The following SSTR2 variants were observed in gnomAD, a reference collection of about 807,000 sequenced individuals.
The protein encoded by SSTR2 is somatostatin receptor type 2.
In SSTR2, 10 loss-of-function variants were observed where a neutral mutation model predicts 21.4. The observed-to-expected ratio is 0.47, with a 90% confidence interval of 0.29 to 0.79. The LOEUF (loss-of-function observed/expected upper bound fraction) is 0.79. SSTR2 is among the 30% of genes least tolerant of loss of function. The probability of loss-of-function intolerance (pLI) is 0.10; values close to 1 mark genes in which losing one functional copy is unlikely to be tolerated. For synonymous variants in SSTR2, 177 were observed against 181.3 expected, an observed-to-expected ratio of 0.98 and a Z score of 0.19; for missense variants, 364 against 468.8, an observed-to-expected ratio of 0.78 and a Z score of 2.06.
In SSTR2 at chr17:73,171,330, G is replaced by C. The variant is rs1250451882; in HGVS notation, c.*901G>C. Reference sequence around the variant, plus strand: ...ACAAAGCCAACTTTGTTATAAGATTGCATTTTTTTCTTTTCAAATTGCTTT... The same window carrying C: ...ACAAAGCCAACTTTGTTATAAGATTCCATTTTTTTCTTTTCAAATTGCTTT... On this transcript the variant is annotated 3_prime_UTR_variant, in exon 2 of 2. Transcript: ENST00000357585. The C allele has an allele frequency of 1.2e-5, 2 of 166,292 alleles. No individual in the cohort carries two copies. The highest frequency in any genetic ancestry group is 2.9e-5 in the Non-Finnish European group (2 of 68,122). The allele number at this position is 166,292 out of a possible 1,614,324, so 10.3% of individuals were successfully genotyped here.
At position 73,169,106 on chromosome 17, in the gene SSTR2, G is replaced by A; in HGVS notation, c.-92-122G>A. 2 of 592,472 alleles carry A rather than the reference G, an allele frequency of 3.4e-6. No homozygotes were observed. The highest frequency in any genetic ancestry group is 5.9e-6 in the Non-Finnish European group (2 of 339,138). The allele number at this position is 592,472 out of a possible 1,614,324, so 36.7% of individuals were successfully genotyped here. ...GAACTCTAGAGCTTAATGTTGATGT[G>A]GAAAGATAATACATTTTTCAATTTA... On this transcript the variant is annotated intron_variant, in intron 1 of 1. Coordinates refer to ENST00000357585, the MANE Select transcript of SSTR2 (RefSeq NM_001050.3). This position sits in a 1 kb window ranked among gnomAD's most constrained non-coding sequence, Gnocchi z 5.2.
In SSTR2 at chr17:73,169,288, G is replaced by A; in HGVS notation, c.-32G>A. 2.5e-6 allele frequency: 4 copies of A among 1,594,774 alleles called. No individual in the cohort carries two copies. Among genetic ancestry groups the A allele is most frequent in the Non-Finnish European group, 3.4e-6 (4 of 1,169,948 alleles). ...AAGGTGAGAATAAGATCTCTGGGCT[G>A]GCTGGAACTAGCCTAAGACTGAAAA... is the stretch of plus-strand genomic sequence containing the variant. On this transcript the variant is annotated 5_prime_UTR_variant, in exon 2 of 2. Transcript: ENST00000357585. This position sits in a 1 kb window ranked among gnomAD's most constrained non-coding sequence, Gnocchi z 5.2.
chr17:73,169,864 G>T lies in SSTR2; in HGVS notation c.545G>T (p.Gly182Val). 1 of 1,613,094 alleles carries T rather than the reference G, an allele frequency of 6.2e-7. No homozygotes were observed. Among genetic ancestry groups the T allele is most frequent in the Non-Finnish European group, 8.5e-7 (1 of 1,179,176 alleles). Reference sequence around the variant, plus strand: ...ATCTTGCCCATCATGATATATGCTGGGCTCCGGAGCAACCAGTGGGGGAGA... The same window carrying T: ...ATCTTGCCCATCATGATATATGCTGTGCTCCGGAGCAACCAGTGGGGGAGA... ...LVILPIMIYA[G>V]LRSNQWGRSS... Residue 182 changes from glycine (G) to valine (V), a missense_variant, in exon 2 of 2, where the codon GGG becomes GTG. Physicochemically the swap from Gly to Val is moderately radical, Grantham distance 109. Around this residue, in one of 4 missense-constraint regions of SSTR2, gnomAD observed 193 missense variants for 273.1 expected, o/e 0.71. Transcript: ENST00000357585. This position sits in a 1 kb window ranked among gnomAD's most constrained non-coding sequence, Gnocchi z 5.2.
At position 73,170,314 on chromosome 17, in the gene SSTR2, T is replaced by G; in HGVS notation, c.995T>G (p.Val332Gly). 3 of 1,613,938 alleles carry G rather than the reference T, an allele frequency of 1.9e-6. No individual in the cohort carries two copies. The highest frequency in any genetic ancestry group is 1.7e-6 in the Non-Finnish European group (2 of 1,180,008). ...SFQNVLCLVK[V>G]SGTDDGERSD... ...CAGAATGTCCTCTGCTTGGTCAAGGTGAGCGGCACAGATGATGGGGAGCGG... is the reference window on the plus strand; with the variant it reads ...CAGAATGTCCTCTGCTTGGTCAAGGGGAGCGGCACAGATGATGGGGAGCGG... Residue 332 changes from valine to glycine, a missense_variant, in exon 2 of 2, where the codon GTG (valine) becomes GGG (glycine). Around this residue, in one of 4 missense-constraint regions of SSTR2, gnomAD observed 71 missense variants for 53.8 expected, o/e 1.32. Transcript: ENST00000357585.
Position 73,170,351 on chromosome 17 carries a change from G to A in SSTR2, c.1032G>A (p.Lys344=). 6.2e-7 allele frequency: 1 copy of A among 1,614,002 alleles called. No individual in the cohort carries two copies. Among genetic ancestry groups the A allele is most frequent in the Non-Finnish European group, 8.5e-7 (1 of 1,180,014 alleles). ...GTDDGERSDS[K]QDKSRLNETT... is the part of the protein sequence containing the mutation. Reference sequence around the variant, plus strand: ...ATGATGGGGAGCGGAGTGACAGTAAGCAGGACAAATCCCGGCTGAATGAGA... The same window carrying A: ...ATGATGGGGAGCGGAGTGACAGTAAACAGGACAAATCCCGGCTGAATGAGA... The change falls in exon 2 of 2, where the codon AAG becomes AAA. Residue 344 remains lysine, a synonymous_variant. Coordinates refer to ENST00000357585, the MANE Select transcript of SSTR2 (RefSeq NM_001050.3).
Position 73,169,373 on chromosome 17 carries a change from A to C in SSTR2, c.54A>C (p.Pro18=). ...LNGSHTWLSI[P]FDLNGSVVST... The stretch of plus-strand genomic sequence containing the variant: ...GAAGCCACACATGGCTATCCATTCC[A>C]TTTGACCTCAATGGCTCTGTGGTGT... Residue 18 remains proline, a synonymous_variant, in exon 2 of 2, where the codon CCA becomes CCC. Transcript: ENST00000357585. The surrounding 1 kb of genome is among the most constrained non-coding windows in gnomAD (Gnocchi z 5.2). 2 of 1,614,068 alleles carry C rather than the reference A, an allele frequency of 1.2e-6. No homozygotes were observed. Among genetic ancestry groups the C allele is most frequent in the Non-Finnish European group, 1.7e-6 (2 of 1,179,986 alleles).
In SSTR2 at chr17:73,173,726, G is replaced by A. The variant is rs2061241900; in HGVS notation, c.*3297G>A. ...GTTAAGTGCTGATTAAACCTAAGTG[G>A]ACTCAGTGAAAAAGATATTGGGAAA... On this transcript the variant is annotated 3_prime_UTR_variant, in exon 2 of 2. Coordinates refer to ENST00000357585, the MANE Select transcript of SSTR2 (RefSeq NM_001050.3). 1 of 152,196 alleles carries A rather than the reference G, an allele frequency of 6.6e-6. No individual in the cohort carries two copies. Among genetic ancestry groups the A allele is most frequent in the Admixed American group, 6.5e-5 (1 of 15,282 alleles). The allele number at this position is 152,196 out of a possible 1,614,324, so 9.4% of individuals were successfully genotyped here. A position where few individuals can be genotyped will look rare whatever the true frequency, so the allele number is the denominator to read the frequency against.
rs1276836730 is a variant in SSTR2, at chr17:73,173,534, T to A, written c.*3105T>A. 3.3e-5 allele frequency: 5 copies of A among 152,246 alleles called. No individual in the cohort carries two copies. The East Asian group carries it at 9.6e-4, about 29-fold the overall frequency. 9.4% of individuals were successfully genotyped at this position (152,246 alleles called of 1,614,324 possible). ...GAGAATCAACATGCTAATTTAAAGGTTAACATCATTTTAATTCAAAAATTT... is the reference window on the plus strand; with the variant it reads ...GAGAATCAACATGCTAATTTAAAGGATAACATCATTTTAATTCAAAAATTT... On this transcript the variant is annotated 3_prime_UTR_variant, in exon 2 of 2. Coordinates refer to ENST00000357585, the MANE Select transcript of SSTR2 (RefSeq NM_001050.3).
At chr17:73,165,944 C>T (rs1341709325) in intron 1 of SSTR2, among the ~76,000 whole-genome samples, 6 of 145,502 alleles carry the variant, frequency 4.1e-5, no homozygotes, top group African/African-American at 8.3e-5. Context: ...TCCTCAGCGC[C>T]CCCCCCCCAC....
chr17:73,169,083 A>C lies in SSTR2; in HGVS notation c.-92-145A>C. On this transcript the variant is annotated intron_variant, in intron 1 of 1. Transcript: ENST00000357585. The surrounding 1 kb of genome is among the most constrained non-coding windows in gnomAD (Gnocchi z 5.2). The stretch of plus-strand genomic sequence containing the variant: ...CAAAAAGTCTGCACACTGATGAGGA[A>C]CTCTAGAGCTTAATGTTGATGTGGA... The C allele has an allele frequency of 5.6e-4, 271 of 480,938 alleles. No individual in the cohort carries two copies. The highest frequency in any genetic ancestry group is 1.2e-3 in the East Asian group (32 of 26,536). The allele number at this position is 480,938 out of a possible 1,614,324, so 29.8% of individuals were successfully genotyped here. A position where few individuals can be genotyped will look rare whatever the true frequency, so the allele number is the denominator to read the frequency against.
At position 73,169,867 on chromosome 17, in the gene SSTR2, T is replaced by C. The variant is rs753790650; in HGVS notation, c.548T>C (p.Leu183Pro). The change falls in exon 2 of 2, where the codon CTC becomes CCC. Residue 183 changes from leucine to proline, a missense_variant. Around this residue, in one of 4 missense-constraint regions of SSTR2, gnomAD observed 193 missense variants for 273.1 expected, o/e 0.71. Transcript: ENST00000357585. The surrounding 1 kb of genome is among the most constrained non-coding windows in gnomAD (Gnocchi z 5.2). ...TTGCCCATCATGATATATGCTGGGCTCCGGAGCAACCAGTGGGGGAGAAGC... is the reference window on the plus strand; with the variant it reads ...TTGCCCATCATGATATATGCTGGGCCCCGGAGCAACCAGTGGGGGAGAAGC... ...VILPIMIYAG[L>P]RSNQWGRSSC... The C allele has an allele frequency of 5.6e-6, 9 of 1,612,888 alleles. No individual in the cohort carries two copies. In the African/African-American group the frequency reaches 1.2e-4, roughly 22 times the overall value.
rs1275363401 is a variant in SSTR2 at position 73,176,154 on chromosome 17, T to C, written c.*5725T>C. On this transcript the variant is annotated 3_prime_UTR_variant, in exon 2 of 2. Coordinates refer to ENST00000357585, the MANE Select transcript of SSTR2 (RefSeq NM_001050.3). ...AGCAGGTGCAGCCAGGGAGCAGCCA[T>C]GCTTCTTCTGCCCTCCCAGTAGGCT... is the stretch of plus-strand genomic sequence containing the variant. 1 of 152,252 alleles carries C rather than the reference T, an allele frequency of 6.6e-6. No homozygotes were observed. Among genetic ancestry groups the C allele is most frequent in the Non-Finnish European group, 1.5e-5 (1 of 68,062 alleles). The allele number at this position is 152,252 out of a possible 1,614,324, so 9.4% of individuals were successfully genotyped here.
At position 73,169,562 on chromosome 17, in the gene SSTR2, C is replaced by T; in HGVS notation, c.243C>T (p.Tyr81=). The T allele has an allele frequency of 3.7e-6, 6 of 1,614,276 alleles. No homozygotes were observed. The highest frequency in any genetic ancestry group is 5.1e-6 in the Non-Finnish European group (6 of 1,180,044). Residue 81 remains tyrosine, a synonymous_variant, in exon 2 of 2, where the codon TAC becomes TAT. Transcript: ENST00000357585. This position sits in a 1 kb window ranked among gnomAD's most constrained non-coding sequence, Gnocchi z 5.2. ...YAKMKTITNI[Y]ILNLAIADEL... Reference sequence around the variant, plus strand: ...AGATGAAGACCATCACCAACATTTACATCCTCAACCTGGCCATCGCAGATG... The same window carrying T: ...AGATGAAGACCATCACCAACATTTATATCCTCAACCTGGCCATCGCAGATG...
In SSTR2 at chr17:73,173,213, A is replaced by G. The variant is rs1309120677; in HGVS notation, c.*2784A>G. On this transcript the variant is annotated 3_prime_UTR_variant, in exon 2 of 2. Coordinates refer to ENST00000357585, the MANE Select transcript of SSTR2 (RefSeq NM_001050.3). ...GAGCGAAACTTCATCTCAAAAAAAA[A>G]AAACAAAGACTAATTCTATAGTACC... is the stretch of plus-strand genomic sequence containing the variant. 1 of 152,322 alleles carries G rather than the reference A, an allele frequency of 6.6e-6. No individual in the cohort carries two copies. The highest frequency in any genetic ancestry group is 2.4e-5 in the African/African-American group (1 of 41,390). The allele number at this position is 152,322 out of a possible 1,614,324, so 9.4% of individuals were successfully genotyped here. A position where few individuals can be genotyped will look rare whatever the true frequency, so the allele number is the denominator to read the frequency against.
At position 73,167,155 on chromosome 17, in the gene SSTR2, C is replaced by T. The variant is rs2236753; in HGVS notation, c.-93+1867C>T. 0.012 allele frequency among the ~76,000 whole-genome samples: 1,789 copies of T among 152,290 alleles called. 65 individuals are homozygous for T. The East Asian group carries it at 0.14, about 12-fold the overall frequency. On this transcript the variant is annotated intron_variant, in intron 1 of 1. Coordinates refer to ENST00000357585, the MANE Select transcript of SSTR2 (RefSeq NM_001050.3). The stretch of plus-strand genomic sequence containing the variant: ...ATGGTTAGAAGTGATAACGAAACTA[C>T]CCAAGTTAATCCAGGGATACTAACC...
chr17:73,168,909 C>T (rs746632571), intron 1 of SSTR2, among the ~76,000 whole-genome samples: 18 of 152,304 alleles, frequency 1.2e-4, no homozygotes, highest in Admixed American at 3.3e-4. Context: ...AGGCGCTGAA[C>T]TTCTCCAAGC....
chr17:73,169,804 T>C lies in SSTR2; in HGVS notation c.485T>C (p.Ile162Thr). 6.2e-7 allele frequency: 1 copy of C among 1,614,190 alleles called. No homozygotes were observed. The highest frequency in any genetic ancestry group is 8.5e-7 in the Non-Finnish European group (1 of 1,180,040). Residue 162 changes from isoleucine to threonine, a missense_variant, in exon 2 of 2, where the codon ATC becomes ACC. By Grantham distance (89) the Ile-to-Thr change is moderately conservative. This residue lies in a region of SSTR2 where 193 missense variants were observed against 273.1 expected (regional missense o/e 0.71). Coordinates refer to ENST00000357585, the MANE Select transcript of SSTR2 (RefSeq NM_001050.3). This position sits in a 1 kb window ranked among gnomAD's most constrained non-coding sequence, Gnocchi z 5.2. Reference protein sequence around the residue: ...KWRRPRTAKMITMAVWGVSLL... With the variant: ...KWRRPRTAKMTTMAVWGVSLL... ...AGGAGACCCCGGACGGCCAAGATGA[T>C]CACCATGGCTGTGTGGGGAGTCTCT...
Position 73,169,487 on chromosome 17 carries a change from T to C in SSTR2, c.168T>C (p.Ile56=). 6.2e-7 allele frequency: 1 copy of C among 1,614,240 alleles called. No individual in the cohort carries two copies. Among genetic ancestry groups the C allele is most frequent in the Non-Finnish European group, 8.5e-7 (1 of 1,180,036 alleles). ...LTFIYFVVCI[I]GLCGNTLVIY... ...TCATCTATTTTGTGGTCTGCATCAT[T>C]GGGTTGTGTGGCAACACACTTGTCA... Residue 56 remains isoleucine, a synonymous_variant, in exon 2 of 2, where the codon ATT becomes ATC. Transcript: ENST00000357585. This position sits in a 1 kb window ranked among gnomAD's most constrained non-coding sequence, Gnocchi z 5.2.
Position 73,172,665 on chromosome 17 carries a change from C to G in SSTR2, c.*2236C>G, listed in dbSNP as rs1300489437. On this transcript the variant is annotated 3_prime_UTR_variant, in exon 2 of 2. Coordinates refer to ENST00000357585, the MANE Select transcript of SSTR2 (RefSeq NM_001050.3). ...GCAGAAATTGCATGCAGGAAAATCC[C>G]ACACCATTAGTAAAAGTAAGGTCAA... 6.6e-6 allele frequency: 1 copy of G among 152,068 alleles called. No individual in the cohort carries two copies. Among genetic ancestry groups the G allele is most frequent in the African/African-American group, 2.4e-5 (1 of 41,434 alleles). 9.4% of individuals were successfully genotyped at this position (152,068 alleles called of 1,614,324 possible).
Sources: allele counts gnomAD v4.1 joint callset (sites outside exome capture counted in the v4.1 genomes callset), GRCh38; gene constraint gnomAD v4.1.1; regional missense constraint gnomAD v4.1.1; non-coding constraint Gnocchi (gnomAD v3.1); transcripts MANE v1.5; gene names NCBI Gene and HGNC (gene_info 2026-07-23, HGNC 2026-07-21).